Variants in GREB1 observed in about 807,000 individuals in gnomAD.
GREB1 encodes protein GREB1.
Under a neutral mutation model 200.7 loss-of-function variants are expected in GREB1, and 106 were observed. That is an observed-to-expected ratio of 0.53 (90% CI 0.45 to 0.62). The LOEUF (loss-of-function observed/expected upper bound fraction) is 0.62, where lower values mean the gene tolerates loss of function less well. GREB1 is among the 20% of genes least tolerant of loss of function. The probability of loss-of-function intolerance (pLI) is 0.00; values close to 1 mark genes in which losing one functional copy is unlikely to be tolerated. For synonymous variants in GREB1, 1,132 were observed against 1,092.4 expected, an observed-to-expected ratio of 1.04 and a Z score of -0.72; for missense variants, 2,243 against 2,556.8, an observed-to-expected ratio of 0.88 and a Z score of 2.65.
intron 1 of GREB1, among the ~76,000 whole-genome samples, chr2:11,550,060 A>G (rs979167634): frequency 3.3e-5 from 5 of 152,158 alleles, no homozygotes; most frequent in African/African-American, 1.2e-4. Context: ...TTCTGCTAAA[A>G]GTACAAAAAT....
chr2:11,619,346 A>G (rs1397487335), intron 22 of GREB1, among the ~76,000 whole-genome samples: 4 of 152,200 alleles, frequency 2.6e-5, no homozygotes, highest in African/African-American at 7.2e-5. Context: ...CCTTAACAAC[A>G]AAAGTCCATT....
In GREB1 at chr2:11,578,289, C is replaced by T; in HGVS notation, c.638-8C>T. ...GTTGGTTTTCACGTGTGCACCTTGCCCCCTTAGAGTTTAGAAGCCGGCAGA... is the reference window on the plus strand; with the variant it reads ...GTTGGTTTTCACGTGTGCACCTTGCTCCCTTAGAGTTTAGAAGCCGGCAGA... On this transcript the variant is annotated splice_polypyrimidine_tract_variant and splice_region_variant and intron_variant, in intron 5 of 32. Coordinates refer to ENST00000381486, the MANE Select transcript of GREB1 (RefSeq NM_014668.4). 6.2e-7 allele frequency: 1 copy of T among 1,608,770 alleles called. No homozygotes were observed. The highest frequency in any genetic ancestry group is 8.5e-7 in the Non-Finnish European group (1 of 1,175,852).
intron 3 of GREB1, 86 bp from the exon 4 acceptor site, chr2:11,566,394 G>A: frequency 1.5e-6 from 2 of 1,346,368 alleles, no homozygotes; most frequent in Non-Finnish European, 2.0e-6. Flanking sequence ...CTCCTGAGCA[G>A]ACCCAGAACG....
At chr2:11,552,113 A>G (rs987666617) in intron 1 of GREB1, among the ~76,000 whole-genome samples, 4 of 152,248 alleles carry the variant, frequency 2.6e-5, no homozygotes, top group African/African-American at 9.6e-5. Flanking sequence ...GGGGTTGCGC[A>G]TGCTGTTTAC....
chr2:11,518,475 G>A (rs1673585941), intron 1 of GREB1, among the ~76,000 whole-genome samples: 1 of 146,956 alleles, frequency 6.8e-6, no homozygotes, highest in Non-Finnish European at 1.5e-5. Flanking sequence ...CATCGAATGA[G>A]AATGCAGCTT....
intron 1 of GREB1, among the ~76,000 whole-genome samples, chr2:11,486,860 C>G (rs928718965): frequency 1.3e-5 from 2 of 151,840 alleles, no homozygotes; most frequent in African/African-American, 2.4e-5. Context: ...GAGATCGAAA[C>G]TCCATCTCGG....
At chr2:11,631,531 T>G (rs149902628) in intron 26 of GREB1, among the ~76,000 whole-genome samples, 2 of 152,354 alleles carry the variant, frequency 1.3e-5, no homozygotes, top group Non-Finnish European at 2.9e-5. Context: ...CGGATGATTT[T>G]CTGGGCTCTG....
chr2:11,558,829 G>A (rs1572696841), intron 2 of GREB1, among the ~76,000 whole-genome samples: 1 of 152,256 alleles, frequency 6.6e-6, no homozygotes, highest in South Asian at 2.1e-4. Context: ...CAGGGTGCTG[G>A]TATACTGAAC....
rs1247978966 is a variant in GREB1, at chr2:11,629,358, C to A, written c.4450-590C>A. Among the ~76,000 whole-genome samples, 4 of 152,080 alleles carry A rather than the reference C, an allele frequency of 2.6e-5. No homozygotes were observed. The highest frequency in any genetic ancestry group is 2.0e-4 in the Admixed American group (3 of 15,282). On this transcript the variant is annotated intron_variant, in intron 25 of 32. Coordinates refer to ENST00000381486, the MANE Select transcript of GREB1 (RefSeq NM_014668.4). The surrounding 1 kb of genome is among the most constrained non-coding windows in gnomAD (Gnocchi z 5.2). ...GGGAAGTGGAGGCTGGAGGAGGTGA[C>A]TAAGGGCGCAGCCAGACTTGGTGAC... is the stretch of plus-strand genomic sequence containing the variant.
chr2:11,576,666 G>T, intron 5 of GREB1, 131 bp downstream of exon 5: 1 of 659,762 alleles, frequency 1.5e-6, no homozygotes. Flanking sequence ...CCAGGCCTAT[G>T]AAATGGAAAA....
intron 12 of GREB1, among the ~76,000 whole-genome samples, chr2:11,595,582 T>A (rs1359571271): frequency 3.3e-5 from 5 of 152,160 alleles, no homozygotes; most frequent in Non-Finnish European, 5.9e-5. Context: ...CATCTCTTCC[T>A]GCTTGAGCTG....
rs1223744132 is a variant in GREB1 at position 11,596,239 on chromosome 2, A to G, written c.1954A>G (p.Ser652Gly). Residue 652 changes from serine (S) to glycine (G), a missense_variant and splice_region_variant, in exon 13 of 33, where the codon AGT (serine) becomes GGT (glycine). By Grantham distance (56) the Ser-to-Gly change is moderately conservative. Transcript: ENST00000381486. ...TGTCAGTGGGACACCGGTGTGCACA[A>G]GTGAGTGGTGAAAAGGAATCTCCCA... is the stretch of plus-strand genomic sequence containing the variant. ...LDVSGTPVCT[S>G]YNLEPHSIRP... 6.2e-7 allele frequency: 1 copy of G among 1,611,678 alleles called. No individual in the cohort carries two copies. Among genetic ancestry groups the G allele is most frequent in the Admixed American group, 1.7e-5 (1 of 59,874 alleles).
At chr2:11,557,571 A>G (rs1271370928) in intron 2 of GREB1, among the ~76,000 whole-genome samples, 1 of 152,068 alleles carries the variant, frequency 6.6e-6, no homozygotes, top group Non-Finnish European at 1.5e-5. Flanking sequence ...GTGGAAGGGG[A>G]TGGTTGGGTT....
Position 11,631,980 on chromosome 2 carries a change from G to C in GREB1, c.4683G>C (p.Leu1561=), listed in dbSNP as rs778226138. The change falls in exon 27 of 33, where the codon CTG becomes CTC. Residue 1561 remains leucine, a synonymous_variant. Transcript: ENST00000381486. ...GTCACGAACATGGGCTCTTTAATCT[G>C]TACCACGCAATGGACGGTGCCAGCC... ...TGRHEHGLFN[L]YHAMDGASHL... is the part of the protein sequence containing the mutation. 2 of 1,613,954 alleles carry C rather than the reference G, an allele frequency of 1.2e-6. No individual in the cohort carries two copies. Among genetic ancestry groups the C allele is most frequent in the South Asian group, 2.2e-5 (2 of 91,086 alleles).
intron 1 of GREB1, among the ~76,000 whole-genome samples, chr2:11,515,960 A>G (rs563210140): frequency 9.7e-4 from 147 of 152,318 alleles, no homozygotes; most frequent in Non-Finnish European, 1.0e-4. Context: ...TGCCGCAGAA[A>G]CACAACCAGA....
chr2:11,620,914 A>T lies in GREB1; in HGVS notation c.4054A>T (p.Thr1352Ser). ...TCCTATACCTTTACAGATCGGGAAG[A>T]CAGGTGCCTACCTGCAGTTCCTCAG... ...LLSGPPQIGK[T>S]GAYLQFLSVL... The change falls in exon 23 of 33, where the codon ACA (threonine) becomes TCA (serine). Residue 1352 changes from threonine to serine, a missense_variant. Thr to Ser is a moderately conservative substitution (Grantham distance 58). Transcript: ENST00000381486. 6.2e-7 allele frequency: 1 copy of T among 1,606,652 alleles called. No homozygotes were observed. Among genetic ancestry groups the T allele is most frequent in the Non-Finnish European group, 8.5e-7 (1 of 1,173,184 alleles).
intron 1 of GREB1, among the ~76,000 whole-genome samples, chr2:11,523,509 G>T (rs1017963644): frequency 2.0e-5 from 3 of 152,150 alleles, no homozygotes; most frequent in African/African-American, 7.2e-5. Context: ...TCTGTTGATT[G>T]GTACGGCTTC....
intron 1 of GREB1, among the ~76,000 whole-genome samples, chr2:11,504,089 G>A (rs568901878): frequency 6.6e-6 from 1 of 152,274 alleles, no homozygotes; most frequent in East Asian, 1.9e-4. Flanking sequence ...CTCTCCTTCT[G>A]TCTCTTACTG....
At chr2:11,531,817 C>T (rs562128266), upstream of GREB1, among the ~76,000 whole-genome samples, 3 of 152,254 alleles carry the variant, frequency 2.0e-5, no homozygotes, top group East Asian at 5.8e-4. Flanking sequence ...GTGATCCACC[C>T]GTCTCGGCCT....
Sources: allele counts gnomAD v4.1 joint callset (sites outside exome capture counted in the v4.1 genomes callset), GRCh38; gene constraint gnomAD v4.1.1; non-coding constraint Gnocchi (gnomAD v3.1); transcripts MANE v1.5; gene names NCBI Gene and HGNC (gene_info 2026-07-23, HGNC 2026-07-21).